Variants in PRRC2B observed in about 807,000 individuals in gnomAD.
PRRC2B encodes protein PRRC2B.
A neutral mutation model predicts 242.3 loss-of-function variants in PRRC2B; 68 were observed. The ratio of observed to expected loss-of-function variants is 0.28; its 90% CI spans 0.23 to 0.34. The LOEUF is 0.34. Among genes scored for constraint, PRRC2B ranks in the 10% least tolerant of loss-of-function variants. PRRC2B has a pLI of 1.00. For missense variants in PRRC2B, 2,835 were observed against 2,954.8 expected, an observed-to-expected ratio of 0.96 and a Z score of 0.94; for synonymous variants, 1,228 against 1,173.6, an observed-to-expected ratio of 1.05 and a Z score of -0.95.
intron 1 of PRRC2B, among the ~76,000 whole-genome samples, chr9:131,420,493 CTTT>C (rs146073511): frequency 9.3e-4 from 28 of 30,148 alleles, no homozygotes; most frequent in Middle Eastern, 0.017. Flanking sequence ...TTCTTTCTTT[CTTT>C]TTTTTTTTTT....
intron 31 of PRRC2B, among the ~76,000 whole-genome samples, chr9:131,495,165 C>G (rs1944296970): frequency 6.6e-6 from 1 of 152,096 alleles, no homozygotes; most frequent in Non-Finnish European, 1.5e-5. Flanking sequence ...GCTGGCTGCT[C>G]TGTGACTTCC....
intron 19 of PRRC2B, among the ~76,000 whole-genome samples, chr9:131,481,311 C>CAAAAAAAAAAAAAA (rs11404767): frequency 1.3e-5 from 1 of 79,260 alleles, no homozygotes; most frequent in African/African-American, 5.8e-5. Context: ...ACTCCGTCTC[C>CAAAAAAAAAAAAAA]AAAAAAAAAA....
At chr9:131,396,881 AC>A (rs1240691637) in intron 1 of PRRC2B, among the ~76,000 whole-genome samples, 2 of 151,968 alleles carry the variant, frequency 1.3e-5, no homozygotes, top group African/African-American at 4.8e-5. Flanking sequence ...GAGGACTGAG[AC>A]CCAGGTCACC....
At chr9:131,454,962 T>C (rs112882060) in intron 9 of PRRC2B, 114 bp from the exon 10 acceptor site, 3 of 723,620 alleles carry the variant, frequency 4.1e-6, no homozygotes, top group Non-Finnish European at 7.2e-6. Flanking sequence ...GTCCTCATGA[T>C]CCGCCCACCT....
In PRRC2B at chr9:131,430,052, T is replaced by C. The variant is rs572790560; in HGVS notation, c.-51-42T>C. ...GCTGTAGTGACACTCTTTTTTTTTT[T>C]TCTCTCTCTTTTTTTTTTTTTCTTC... On this transcript the variant is annotated intron_variant, in intron 1 of 31. Coordinates refer to ENST00000683519, the MANE Select transcript of PRRC2B (RefSeq NM_013318.4). 3.6e-4 allele frequency: 239 copies of C among 661,894 alleles called. 2 individuals carry two copies. The highest frequency in any genetic ancestry group is 7.7e-4 in the South Asian group (42 of 54,342). 41.0% of individuals were successfully genotyped at this position (661,894 alleles called of 1,614,324 possible).
intron 3 of PRRC2B, among the ~76,000 whole-genome samples, chr9:131,434,029 A>G (rs1351971058): frequency 6.6e-6 from 1 of 152,138 alleles, no homozygotes; most frequent in Non-Finnish European, 1.5e-5. Flanking sequence ...GCTTGATGGA[A>G]CCTGGAGAAT....
intron 6 of PRRC2B, among the ~76,000 whole-genome samples, chr9:131,445,776 T>A (rs1283819497): frequency 6.6e-6 from 1 of 152,164 alleles, no homozygotes; most frequent in Non-Finnish European, 1.5e-5. Flanking sequence ...CTCATTTGAT[T>A]TCTTGTTGGC....
intron 13 of PRRC2B, 70 bp from the exon 14 acceptor site, chr9:131,470,718 G>C (rs1588271051): frequency 7.7e-7 from 1 of 1,293,928 alleles, no homozygotes; most frequent in Non-Finnish European, 1.1e-6. Context: ...AGCTGGAAGG[G>C]CGTGTGTTGG....
intron 1 of PRRC2B, among the ~76,000 whole-genome samples, chr9:131,419,650 T>C (rs538534630): frequency 6.6e-6 from 1 of 151,170 alleles, no homozygotes; most frequent in Non-Finnish European, 1.5e-5. Flanking sequence ...GCGGGGGTCT[T>C]TGTTCTCTTG....
rs1184743214 is a variant in PRRC2B at position 131,496,215 on chromosome 9, G to A, written c.*341G>A. 1.3e-5 allele frequency: 3 copies of A among 227,164 alleles called. No homozygotes were observed. The East Asian group carries it at 2.7e-4, about 21-fold the overall frequency. The allele number at this position is 227,164 out of a possible 1,614,324, so 14.1% of individuals were successfully genotyped here. A position where few individuals can be genotyped will look rare whatever the true frequency, so the allele number is the denominator to read the frequency against. The stretch of plus-strand genomic sequence containing the variant: ...GCCGCGCAGCCAGGGCGCCTTCTCA[G>A]CAGTGCTTCCGGCCCAGCCGCCCAT... On this transcript the variant is annotated 3_prime_UTR_variant, in exon 32 of 32. Coordinates refer to ENST00000683519, the MANE Select transcript of PRRC2B (RefSeq NM_013318.4).
Position 131,475,575 on chromosome 9 carries a change from G to A in PRRC2B, c.3446G>A (p.Arg1149Gln), listed in dbSNP as rs754436874. The change falls in exon 16 of 32, where the codon CGG becomes CAG. Residue 1149 changes from arginine (R) to glutamine (Q), a missense_variant. Arg to Gln is a conservative substitution (Grantham distance 43). Coordinates refer to ENST00000683519, the MANE Select transcript of PRRC2B (RefSeq NM_013318.4). Reference sequence around the variant, plus strand: ...TATGAAGAACTTCCCAAGCGCCGCCGGCAGAGGGGCTCCGAGAACGGGAAT... The same window carrying A: ...TATGAAGAACTTCCCAAGCGCCGCCAGCAGAGGGGCTCCGAGAACGGGAAT... ...SEYEELPKRR[R>Q]QRGSENGNEG... is the part of the protein sequence containing the mutation. 5.8e-5 allele frequency: 94 copies of A among 1,612,712 alleles called. No individual in the cohort carries two copies. Among genetic ancestry groups the A allele is most frequent in the Non-Finnish European group, 7.8e-5 (92 of 1,179,832 alleles).
rs199690902 is a variant in PRRC2B at position 131,388,543 on chromosome 9, TTTTTC to T, written c.-56+14827_-56+14831del. Among the ~76,000 whole-genome samples the T allele has an allele frequency of 8.6e-3, 1,278 of 149,098 alleles. 47 individuals are homozygous for T. Among genetic ancestry groups the T allele is most frequent in the African/African-American group, 0.025 (1,038 of 40,982 alleles). ...ACGTGTGCCACCACGCCCAGCACTT[TTTTTC>T]TTTTCTTTTCTTTTGAGACAGAGTC... On this transcript the variant is annotated intron_variant, in intron 1 of 1. Coordinates refer to the PRRC2B transcript ENST00000682525.
At chr9:131,391,534 T>G (rs146614121), upstream of PRRC2B, among the ~76,000 whole-genome samples, 11 of 152,252 alleles carry the variant, frequency 7.2e-5, no homozygotes, top group Non-Finnish European at 1.5e-4. Flanking sequence ...TTTCACAGAT[T>G]TCAGGGATCA....
intron 4 of PRRC2B, among the ~76,000 whole-genome samples, chr9:131,437,016 C>T (rs1838396510): frequency 6.6e-6 from 1 of 152,174 alleles, no homozygotes; most frequent in Non-Finnish European, 1.5e-5. Flanking sequence ...TCAGGCTGGA[C>T]TGCAGACTAG....
intron 25 of PRRC2B, chr9:131,485,729 G>C (rs759825543): frequency 7.0e-6 from 4 of 574,018 alleles, no homozygotes; most frequent in Non-Finnish European, 1.3e-5. Context: ...GCAGGGAGAT[G>C]AAGAGGACAG....
Position 131,475,248 on chromosome 9 carries a change from A to G in PRRC2B, c.3119A>G (p.Asp1040Gly). The change falls in exon 16 of 32, where the codon GAT becomes GGT. Residue 1040 changes from aspartate (D) to glycine (G), a missense_variant. By Grantham distance (94) the Asp-to-Gly change is moderately conservative (BLOSUM62 -1). This residue lies in a region of PRRC2B where 1,536 missense variants were observed against 1,483.1 expected (regional missense o/e 1.04). Transcript: ENST00000683519. ...WEARPPRESS[D>G]VPPMKRNNWI... ...GCCAGACCCCCACGAGAGTCCAGCG[A>G]TGTTCCCCCCATGAAGAGAAATAAC... is the stretch of plus-strand genomic sequence containing the variant. 6.2e-7 allele frequency: 1 copy of G among 1,613,548 alleles called. No individual in the cohort carries two copies. Among genetic ancestry groups the G allele is most frequent in the Non-Finnish European group, 8.5e-7 (1 of 1,179,700 alleles).
chr9:131,498,667 T>C lies in PRRC2B; in HGVS notation c.*2793T>C, dbSNP rs139274463. ...CTTCTGCCAGGATACCACGGGGCCT[T>C]AGTGGGAACAGGTGGAGACCAGCAC... On this transcript the variant is annotated 3_prime_UTR_variant, in exon 32 of 32. Transcript: ENST00000683519. The C allele has an allele frequency of 3.2e-4, 49 of 152,372 alleles. No homozygotes were observed. Among genetic ancestry groups the C allele is most frequent in the African/African-American group, 1.1e-3 (44 of 41,586 alleles). 9.4% of individuals were successfully genotyped at this position (152,372 alleles called of 1,614,324 possible).
At position 131,477,900 on chromosome 9, in the gene PRRC2B, G is replaced by T. The variant is rs756589363; in HGVS notation, c.4563G>T (p.Arg1521Ser). Residue 1521 changes from arginine (R) to serine (S), a missense_variant, in exon 17 of 32, where the codon AGG (arginine) becomes AGT (serine). Physicochemically the swap from Arg to Ser is moderately radical, Grantham distance 110. This residue lies in a region of PRRC2B where 1,536 missense variants were observed against 1,483.1 expected (regional missense o/e 1.04). Transcript: ENST00000683519. Reference sequence around the variant, plus strand: ...AGGAGGCCAAGTTGGCTGCTCCGAGGGCAGGTGAACAGGGAGAGGCCATGA... The same window carrying T: ...AGGAGGCCAAGTTGGCTGCTCCGAGTGCAGGTGAACAGGGAGAGGCCATGA... ...AEKEAKLAAPRAGEQGEAMKQ... is the reference protein window; with the variant it reads ...AEKEAKLAAPSAGEQGEAMKQ... The T allele has an allele frequency of 1.2e-6, 2 of 1,614,044 alleles. No individual in the cohort carries two copies.
At chr9:131,491,715 A>G (rs1944200547) in intron 29 of PRRC2B, 135 bp downstream of exon 29, 1 of 843,410 alleles carries the variant, frequency 1.2e-6, no homozygotes, top group African/African-American at 1.7e-5. Flanking sequence ...GAAGGTGACC[A>G]TGTGTGGGGC....
Sources: gnomAD v4.1 joint callset for allele counts (sites outside exome capture counted in the v4.1 genomes callset) on GRCh38, gnomAD v4.1.1 for gene constraint, gnomAD v4.1.1 regional missense constraint, MANE v1.5 for transcripts, NCBI Gene and HGNC (gene_info 2026-07-23, HGNC 2026-07-21) for gene names.